HEPH: variants seen among roughly 807,000 people sequenced by gnomAD.
HEPH encodes hephaestin.
In HEPH, 69 loss-of-function variants were observed where a neutral mutation model predicts 80.8. That is an observed-to-expected ratio of 0.85 (90% CI 0.70 to 1.04). HEPH has a LOEUF of 1.04. Ranked by LOEUF, HEPH falls within the 50% of genes least tolerant of loss-of-function variation. The pLI, the probability that HEPH is intolerant of heterozygous loss-of-function variation, is 0.00. For missense variants in HEPH, 1,115 were observed against 891.3 expected (o/e 1.25, Z -3.20); for synonymous variants, 431 against 322.8 (o/e 1.34, Z -3.60).
intron 15 of HEPH, among the ~76,000 whole-genome samples, chrX:66,225,622 A>G (rs777952793): frequency 7.1e-5 from 8 of 112,517 alleles, no homozygotes; most frequent in Non-Finnish European, 1.5e-4. Context: ...CCCGGTGTTC[A>G]GCCACTGCAT....
Position 66,188,555 on chromosome X carries a change from AG to A in HEPH, c.808+16del, listed in dbSNP as rs2087614255. 1.7e-6 allele frequency: 2 copies of A among 1,187,923 alleles called. No homozygotes were observed. Among genetic ancestry groups the A allele is most frequent in the Non-Finnish European group, 1.1e-6 (1 of 878,003 alleles). ...ATAGGATGCATGGTGAGTTGGGAAA[AG>A]GTGGCCACATTGTGACAGGGAACAT... On this transcript the variant is annotated intron_variant, in intron 5 of 20. Coordinates refer to ENST00000343002, the MANE Select transcript of HEPH (RefSeq NM_001367233.3).
At chrX:66,234,941 A>G (rs1403869709) in intron 15 of HEPH, among the ~76,000 whole-genome samples, 2 of 109,826 alleles carry the variant, frequency 1.8e-5, no homozygotes, top group Admixed American at 9.7e-5. Context: ...GAACCACCAC[A>G]CCTGGCCATT....
chrX:66,262,127 TA>T (rs1226095137), intron 19 of HEPH, among the ~76,000 whole-genome samples: 1 of 112,206 alleles, frequency 8.9e-6, no homozygotes, highest in Non-Finnish European at 1.9e-5. Flanking sequence ...CGCTATGGCC[TA>T]ATTTCATATT....
At chrX:66,214,759 CT>C (rs2089311247) in intron 15 of HEPH, among the ~76,000 whole-genome samples, 1 of 111,062 alleles carries the variant, frequency 9.0e-6, no homozygotes, top group African/African-American at 3.3e-5. Context: ...AACCATTCAA[CT>C]TTCCCCCCTT....
In HEPH at chrX:66,207,184, G is replaced by A. The variant is rs1342566099; in HGVS notation, c.2292-11G>A. 2.5e-6 allele frequency: 3 copies of A among 1,197,978 alleles called. No homozygotes were observed. Among genetic ancestry groups the A allele is most frequent in the African/African-American group, 3.6e-5 (2 of 55,648 alleles). ...GGCCAGGTGCTGATAGTACTCTTTG[G>A]ATTCCTCTAGTTATGGTTACATTTT... On this transcript the variant is annotated splice_polypyrimidine_tract_variant and intron_variant, in intron 13 of 20. Coordinates refer to ENST00000343002, the MANE Select transcript of HEPH (RefSeq NM_001367233.3).
At chrX:66,236,997 G>A (rs372239906) in intron 15 of HEPH, among the ~76,000 whole-genome samples, 1 of 110,685 alleles carries the variant, frequency 9.0e-6, no homozygotes, top group South Asian at 3.8e-4. Flanking sequence ...GTGTTTATTT[G>A]GATATTCTTT....
chrX:66,209,005 C>T (rs1388025960), intron 15 of HEPH, among the ~76,000 whole-genome samples: 2 of 110,709 alleles, frequency 1.8e-5, no homozygotes, highest in Non-Finnish European at 1.9e-5. Flanking sequence ...TGTCAACATT[C>T]TCTTTTATTA....
At chrX:66,169,327 G>T (rs2086492117) in intron 1 of HEPH, among the ~76,000 whole-genome samples, 1 of 112,056 alleles carries the variant, frequency 8.9e-6, no homozygotes, top group African/African-American at 3.2e-5. Flanking sequence ...GTGATTTTAT[G>T]TGTAAATGGA....
intron 15 of HEPH, among the ~76,000 whole-genome samples, chrX:66,212,924 G>A (rs1411185030): frequency 1.8e-5 from 2 of 109,702 alleles, no homozygotes; most frequent in African/African-American, 6.6e-5. Flanking sequence ...GGACAATATG[G>A]TCATTTTAAT....
At chrX:66,180,120 T>A (rs2087029821) in intron 4 of HEPH, among the ~76,000 whole-genome samples, 1 of 111,717 alleles carries the variant, frequency 9.0e-6, no homozygotes, top group African/African-American at 3.2e-5. Context: ...TTCATCATGC[T>A]ATTTGTTGCC....
intron 1 of HEPH, among the ~76,000 whole-genome samples, chrX:66,165,938 T>C (rs997830478): frequency 6.3e-4 from 70 of 111,303 alleles, no homozygotes; most frequent in Non-Finnish European, 1.7e-4. Context: ...AAAAAAAATA[T>C]CCTTGCCCAA....
At position 66,197,702 on chromosome X, in the gene HEPH, G is replaced by A; in HGVS notation, c.1521G>A (p.Leu507=). ...CTACAGGCTCATCTTACCCTGGCTT[G>A]GTTGCCAAGCCCTTTGAGAAAGTAA... ...VYNDGSSYPG[L]VAKPFEKVTY... is the part of the protein sequence containing the mutation. The change falls in exon 10 of 21, where the codon TTG becomes TTA. Residue 507 remains leucine (L), a synonymous_variant. Transcript: ENST00000343002. 1 of 1,211,073 alleles carries A rather than the reference G, an allele frequency of 8.3e-7. No individual in the cohort carries two copies. Among genetic ancestry groups the A allele is most frequent in the Non-Finnish European group, 1.1e-6 (1 of 894,868 alleles).
chrX:66,245,988 G>A (rs1198580822), intron 15 of HEPH, among the ~76,000 whole-genome samples: 1 of 112,397 alleles, frequency 8.9e-6, no homozygotes, highest in Non-Finnish European at 1.9e-5. Flanking sequence ...GGCTGCAGTT[G>A]CAGACAGGCC....
chrX:66,250,518 C>G (rs2090964644), intron 15 of HEPH, among the ~76,000 whole-genome samples: 1 of 111,353 alleles, frequency 9.0e-6, no homozygotes, highest in Non-Finnish European at 1.9e-5. Flanking sequence ...TATCCCCGCC[C>G]TCTTTGAACC....
intron 15 of HEPH, among the ~76,000 whole-genome samples, chrX:66,249,140 G>T (rs2090920099): frequency 9.0e-6 from 1 of 111,168 alleles, no homozygotes; most frequent in Non-Finnish European, 1.9e-5. Context: ...CCCCTCTGAG[G>T]CTCAAGGGCT....
chrX:66,163,875 GA>G (rs940065022), upstream of HEPH, among the ~76,000 whole-genome samples: 1 of 111,976 alleles, frequency 8.9e-6, no homozygotes, highest in African/African-American at 3.2e-5. Context: ...TTAGAATGTA[GA>G]AAAAAAGTCC....
rs1415338809 is a variant in HEPH, at chrX:66,266,532, G to T, written c.3337G>T (p.Val1113Phe). 1 of 1,209,054 alleles carries T rather than the reference G, an allele frequency of 8.3e-7. No homozygotes were observed. The highest frequency in any genetic ancestry group is 2.3e-4 in the Middle Eastern group (1 of 4,351). ...KNVEMLASVL[V>F]AISVTLLLVV... ...TGTTGAGATGCTGGCCTCTGTTTTG[G>T]TTGCCATTAGTGTCACCCTTCTGCT... is the stretch of plus-strand genomic sequence containing the variant. The change falls in exon 21 of 21, where the codon GTT (valine) becomes TTT (phenylalanine). Residue 1113 changes from valine (V) to phenylalanine (F), a missense_variant. Physicochemically the swap from Val to Phe is conservative, Grantham distance 50 (BLOSUM62 -1). This residue lies in a region of HEPH where 716 missense variants were observed against 523.5 expected (regional missense o/e 1.37). Coordinates refer to ENST00000343002, the MANE Select transcript of HEPH (RefSeq NM_001367233.3).
chrX:66,203,485 A>C lies in HEPH; in HGVS notation c.2199A>C (p.Arg733Ser). The C allele has an allele frequency of 8.3e-7, 1 of 1,211,697 alleles. No individual in the cohort carries two copies. Among genetic ancestry groups the C allele is most frequent in the Non-Finnish European group, 1.1e-6 (1 of 895,388 alleles). ...CTCGCCAACGCTACCAAGCTGCAAGAATCTACTATATCATGGCAGAAGAAG... is the reference window on the plus strand; with the variant it reads ...CTCGCCAACGCTACCAAGCTGCAAGCATCTACTATATCATGGCAGAAGAAG... ...ATPRQRYQAA[R>S]IYYIMAEEVE... The change falls in exon 13 of 21, where the codon AGA becomes AGC. Residue 733 changes from arginine to serine, a missense_variant. This residue lies in a region of HEPH where 716 missense variants were observed against 523.5 expected (regional missense o/e 1.37). Coordinates refer to ENST00000343002, the MANE Select transcript of HEPH (RefSeq NM_001367233.3).
At chrX:66,239,961 G>GAAT (rs2090508988) in intron 15 of HEPH, among the ~76,000 whole-genome samples, 1 of 111,157 alleles carries the variant, frequency 9.0e-6, no homozygotes, top group Admixed American at 9.6e-5. Flanking sequence ...CTTCACAATG[G>GAAT]CATATAAATA....
Sources: allele counts gnomAD v4.1 joint callset (sites outside exome capture counted in the v4.1 genomes callset), GRCh38; gene constraint gnomAD v4.1.1; regional missense constraint gnomAD v4.1.1; transcripts MANE v1.5; gene names NCBI Gene and HGNC (gene_info 2026-07-23, HGNC 2026-07-21).